Variants in CALN1 observed in about 807,000 individuals in gnomAD.
CALN1 encodes the protein calneuron 1.
In CALN1, 17 loss-of-function variants were observed where a neutral mutation model predicts 30.6. The ratio of observed to expected loss-of-function variants is 0.56; its 90% CI spans 0.38 to 0.83. CALN1 has a LOEUF of 0.83. Among genes scored for constraint, CALN1 ranks in the 40% least tolerant of loss-of-function variants. The pLI is 0.00. For missense variants in CALN1, 291 were observed against 354.9 expected, an observed-to-expected ratio of 0.82 and a Z score of 1.45; for synonymous variants, 156 against 131.4, an observed-to-expected ratio of 1.19 and a Z score of -1.28.
intron 5 of CALN1, among the ~76,000 whole-genome samples, chr7:71,862,062 A>G (rs536198320): frequency 3.3e-5 from 5 of 152,182 alleles, no homozygotes; most frequent in Non-Finnish European, 7.3e-5. Context: ...AGACGTGGCC[A>G]TCTCATCTTT....
At chr7:72,353,900 A>G (rs1803078279) in intron 2 of CALN1, among the ~76,000 whole-genome samples, 1 of 152,164 alleles carries the variant, frequency 6.6e-6, no homozygotes, top group Admixed American at 6.5e-5. Flanking sequence ...AAATAGCTCC[A>G]TTCAGGCCGG....
chr7:72,222,297 A>C (rs1413939372), intron 3 of CALN1, among the ~76,000 whole-genome samples: 2 of 152,306 alleles, frequency 1.3e-5, no homozygotes, highest in Non-Finnish European at 2.9e-5. Flanking sequence ...TCTGGAGCCT[A>C]TACTGGAAGT....
intron 2 of CALN1, among the ~76,000 whole-genome samples, chr7:72,375,980 A>G (rs1395020247): frequency 2.0e-5 from 3 of 152,194 alleles, no homozygotes; most frequent in African/African-American, 4.8e-5. Flanking sequence ...TATTCTAGAT[A>G]TATCTCATAA....
At chr7:72,205,575 T>TATAC (rs1554319681) in intron 3 of CALN1, among the ~76,000 whole-genome samples, 14 of 119,612 alleles carry the variant, frequency 1.2e-4, no homozygotes, top group African/African-American at 5.9e-4. Context: ...TATGTATATA[T>TATAC]ATATATATAT....
chr7:72,132,605 T>C (rs1462357624), intron 3 of CALN1, among the ~76,000 whole-genome samples: 1 of 152,194 alleles, frequency 6.6e-6, no homozygotes, highest in East Asian at 1.9e-4. Context: ...GCAGTGTTTC[T>C]CGCCGGCAGC....
At chr7:71,873,587 C>G (rs116297637) in intron 5 of CALN1, among the ~76,000 whole-genome samples, 8 of 151,522 alleles carry the variant, frequency 5.3e-5, no homozygotes, top group Admixed American at 3.9e-4. Context: ...GCTTTCGACT[C>G]AAAGTTGCTC....
chr7:71,884,911 A>G (rs920169921), intron 5 of CALN1, among the ~76,000 whole-genome samples: 1 of 152,168 alleles, frequency 6.6e-6, no homozygotes, highest in African/African-American at 2.4e-5. Flanking sequence ...ATTAACTAAA[A>G]TTTGAATAGG....
At chr7:71,814,930 T>C (rs1788174172) in intron 5 of CALN1, among the ~76,000 whole-genome samples, 1 of 151,782 alleles carries the variant, frequency 6.6e-6, no homozygotes, top group South Asian at 2.1e-4. Flanking sequence ...GCCTCCTGGG[T>C]TCACGCCATT....
chr7:72,300,132 G>T (rs910709713), intron 2 of CALN1, among the ~76,000 whole-genome samples: 9 of 151,666 alleles, frequency 5.9e-5, no homozygotes, highest in Non-Finnish European at 7.4e-5. Flanking sequence ...CGCCCACCTC[G>T]TCCTCCCAAA....
intron 3 of CALN1, among the ~76,000 whole-genome samples, chr7:72,261,629 T>C (rs559322410): frequency 6.6e-6 from 1 of 152,240 alleles, no homozygotes; most frequent in South Asian, 2.1e-4. Flanking sequence ...GATCTTCCTA[T>C]GTTGCCCAGG....
In CALN1 at chr7:71,952,207, T is replaced by C. The variant is rs115034180; in HGVS notation, c.501+71450A>G. On this transcript the variant is annotated intron_variant, in intron 5 of 6. Coordinates refer to ENST00000395275, the MANE Select transcript of CALN1 (RefSeq NM_031468.4). ...CGACCTGCAACTGCTAAATTGAAGA[T>C]ACCACAGGTCACCTGGCAGGATCTT... Among the ~76,000 whole-genome samples the C allele has an allele frequency of 3.2e-3, 490 of 152,340 alleles. 1 individual carries two copies. The highest frequency in any genetic ancestry group is 0.011 in the African/African-American group (464 of 41,574).
intron 5 of CALN1, among the ~76,000 whole-genome samples, chr7:71,906,263 C>A (rs954741852): frequency 6.6e-6 from 1 of 152,198 alleles, no homozygotes; most frequent in Non-Finnish European, 1.5e-5. Context: ...AATCTGGCAG[C>A]AGCCGGGCGG....
chr7:72,336,086 T>G (rs1236314680), intron 2 of CALN1, among the ~76,000 whole-genome samples: 1 of 152,074 alleles, frequency 6.6e-6, no homozygotes, highest in Non-Finnish European at 1.5e-5. Flanking sequence ...CAGAGGCCTC[T>G]CTGGTTACCC....
At chr7:72,447,060 G>A (rs1021612264) in exon 1 of CALN1, 2 of 153,610 alleles carry the variant, frequency 1.3e-5, no homozygotes, top group African/African-American at 4.8e-5. Flanking sequence ...GATCTCGGGG[G>A]AAATTCTCCA....
At chr7:72,032,367 T>G (rs1434194779) in intron 4 of CALN1, among the ~76,000 whole-genome samples, 1 of 152,160 alleles carries the variant, frequency 6.6e-6, no homozygotes, top group Non-Finnish European at 1.5e-5. Context: ...ATTTTTAAAT[T>G]TTTTGTAGAG....
chr7:71,828,187 C>A (rs765838510), intron 5 of CALN1, among the ~76,000 whole-genome samples: 11 of 152,132 alleles, frequency 7.2e-5, no homozygotes, highest in Non-Finnish European at 8.8e-5. Flanking sequence ...GGAGCCTTGA[C>A]CCCAAATAAT....
At chr7:71,831,785 G>A (rs1175867219) in intron 5 of CALN1, among the ~76,000 whole-genome samples, 4 of 147,498 alleles carry the variant, frequency 2.7e-5, no homozygotes, top group East Asian at 2.0e-4. Flanking sequence ...GCAGCTACTC[G>A]GGAAGCTGAG....
At chr7:72,446,270 G>A (rs1002511335) in intron 1 of CALN1, among the ~76,000 whole-genome samples, 2 of 152,178 alleles carry the variant, frequency 1.3e-5, no homozygotes, top group African/African-American at 4.8e-5. Context: ...GCAGATAGAT[G>A]TTCTCTGAGC....
intron 2 of CALN1, among the ~76,000 whole-genome samples, chr7:72,346,850 A>G (rs1802669689): frequency 6.6e-6 from 1 of 152,190 alleles, no homozygotes; most frequent in African/African-American, 2.4e-5. Context: ...ATAAAGTAGC[A>G]ATTCTGGAAC....
Sources: allele counts gnomAD v4.1 joint callset (sites outside exome capture counted in the v4.1 genomes callset), GRCh38; gene constraint gnomAD v4.1.1; transcripts MANE v1.5; gene names NCBI Gene and HGNC (gene_info 2026-07-23, HGNC 2026-07-21).